Variants in PCDH15 observed in about 807,000 individuals in gnomAD.
PCDH15 encodes the protein protocadherin-15.
A neutral mutation model predicts 178.5 loss-of-function variants in PCDH15; 129 were observed. The ratio of observed to expected loss-of-function variants is 0.72; its 90% CI spans 0.63 to 0.84. PCDH15 has a LOEUF of 0.84. Among genes scored for constraint, PCDH15 ranks in the 40% least tolerant of loss-of-function variants. The pLI is 0.00. For missense variants in PCDH15, 2,230 were observed against 2,099.9 expected (o/e 1.06, Z -1.21); for synonymous variants, 800 against 732.0 (o/e 1.09, Z -1.50).
intron 8 of PCDH15, among the ~76,000 whole-genome samples, chr10:54,279,430 T>A (rs753548375): frequency 9.2e-5 from 14 of 151,666 alleles, no homozygotes; most frequent in Admixed American, 4.0e-4. Context: ...AATAATTAAA[T>A]AACTTTGGAA....
At chr10:54,016,660 T>C (rs376250548) in intron 20 of PCDH15, among the ~76,000 whole-genome samples, 18 of 152,262 alleles carry the variant, frequency 1.2e-4, no homozygotes, top group African/African-American at 4.3e-4. Context: ...TGTTCTCACT[T>C]AGAAGCTGAA....
chr10:54,070,965 G>A (rs1318729022), intron 17 of PCDH15, among the ~76,000 whole-genome samples: 1 of 152,034 alleles, frequency 6.6e-6, no homozygotes, highest in Non-Finnish European at 1.5e-5. Flanking sequence ...CATAGTCAAA[G>A]AAAGTAGTGT....
intron 2 of PCDH15, among the ~76,000 whole-genome samples, chr10:55,015,784 A>G (rs1840159461): frequency 6.6e-6 from 1 of 152,068 alleles, no homozygotes; most frequent in African/African-American, 2.4e-5. Flanking sequence ...GCCTTGTTTT[A>G]TGTCCCCTGA....
chr10:54,830,059 C>T (rs1291054358), intron 3 of PCDH15, among the ~76,000 whole-genome samples: 1 of 152,032 alleles, frequency 6.6e-6, no homozygotes, highest in East Asian at 1.9e-4. Flanking sequence ...ATTACCTCAA[C>T]ATTGAAACAT....
intron 2 of PCDH15, among the ~76,000 whole-genome samples, chr10:55,046,489 A>C (rs1257567157): frequency 6.6e-6 from 1 of 151,962 alleles, no homozygotes; most frequent in Non-Finnish European, 1.5e-5. Flanking sequence ...CCTGATCTAA[A>C]GGAGGGACTC....
At chr10:54,148,803 G>T (rs2044232748) in intron 14 of PCDH15, among the ~76,000 whole-genome samples, 1 of 151,526 alleles carries the variant, frequency 6.6e-6, no homozygotes, top group Non-Finnish European at 1.5e-5. Flanking sequence ...AACATTAGCA[G>T]TATTTCCTGT....
At chr10:55,414,310 C>T (rs142605680) in intron 2 of PCDH15, among the ~76,000 whole-genome samples, 1,820 of 151,606 alleles carry the variant, frequency 0.012, 45 homozygotes, top group African/African-American at 0.042. Context: ...TCATACATTA[C>T]TGCTAAGTAG....
chr10:55,177,969 A>T (rs1293340012), intron 1 of PCDH15, among the ~76,000 whole-genome samples: 1 of 152,180 alleles, frequency 6.6e-6, no homozygotes, highest in African/African-American at 2.4e-5. Context: ...ACAAGTGCTC[A>T]ACTAGTTCAG....
At chr10:55,420,204 C>T (rs1292336501) in intron 2 of PCDH15, among the ~76,000 whole-genome samples, 1 of 151,506 alleles carries the variant, frequency 6.6e-6, no homozygotes, top group Non-Finnish European at 1.5e-5. Flanking sequence ...ATTTGTGTGT[C>T]AATAAAGTTT....
chr10:54,518,256 A>T (rs1367284959), intron 3 of PCDH15, among the ~76,000 whole-genome samples: 1 of 152,200 alleles, frequency 6.6e-6, no homozygotes, highest in Non-Finnish European at 1.5e-5. Flanking sequence ...CCCTTCAAAA[A>T]ATTGATGAAT....
intron 8 of PCDH15, among the ~76,000 whole-genome samples, chr10:54,300,799 T>C (rs948093292): frequency 6.6e-6 from 1 of 152,148 alleles, no homozygotes; most frequent in African/African-American, 2.4e-5. Flanking sequence ...TAAAGGATTG[T>C]AAATGCACTA....
At chr10:54,031,812 G>A (rs10763054) in intron 18 of PCDH15, among the ~76,000 whole-genome samples, 61,740 of 151,812 alleles carry the variant, frequency 0.41, 14,078 homozygotes, top group Middle Eastern at 0.64. Context: ...TCATGTTCAC[G>A]CTCATACAGC....
At chr10:55,390,147 CAT>C (rs1239149476) in intron 2 of PCDH15, among the ~76,000 whole-genome samples, 1 of 151,804 alleles carries the variant, frequency 6.6e-6, no homozygotes, top group African/African-American at 2.4e-5. Context: ...TCTTCCAAGA[CAT>C]ATAAAATTTA....
intron 3 of PCDH15, among the ~76,000 whole-genome samples, chr10:54,894,550 T>A (rs1455780963): frequency 6.6e-6 from 1 of 152,118 alleles, no homozygotes; most frequent in Non-Finnish European, 1.5e-5. Context: ...GAACTCCAAA[T>A]TGGAAACATT....
intron 2 of PCDH15, among the ~76,000 whole-genome samples, chr10:55,358,376 C>T (rs1014301875): frequency 1.3e-5 from 2 of 151,982 alleles, no homozygotes; most frequent in Non-Finnish European, 2.9e-5. Flanking sequence ...ATAAAAATGA[C>T]CTTCAGATAG....
intron 28 of PCDH15, among the ~76,000 whole-genome samples, chr10:53,848,406 A>AT (rs1327895505): frequency 2.6e-5 from 4 of 152,018 alleles, no homozygotes; most frequent in Non-Finnish European, 4.4e-5. Context: ...TTTTCTAGTT[A>AT]TTTTCTACTT....
At chr10:54,886,795 C>T (rs1169365787) in intron 3 of PCDH15, among the ~76,000 whole-genome samples, 4 of 152,300 alleles carry the variant, frequency 2.6e-5, no homozygotes, top group Admixed American at 2.0e-4. Context: ...GCCAGGTTTC[C>T]TTTCTCTGTC....
At chr10:55,296,649 A>C (rs1433398315) in intron 1 of PCDH15, among the ~76,000 whole-genome samples, 1 of 152,182 alleles carries the variant, frequency 6.6e-6, no homozygotes, top group African/African-American at 2.4e-5. Flanking sequence ...TGTATATTTT[A>C]TTCCGTCACA....
At chr10:54,154,244 C>T (rs1174386645) in intron 13 of PCDH15, among the ~76,000 whole-genome samples, 1 of 151,954 alleles carries the variant, frequency 6.6e-6, no homozygotes, top group Non-Finnish European at 1.5e-5. Flanking sequence ...ATTTTACATA[C>T]ATCAATAGTA....
Sources: gnomAD v4.1 joint callset for allele counts (sites outside exome capture counted in the v4.1 genomes callset) on GRCh38, gnomAD v4.1.1 for gene constraint, MANE v1.5 for transcripts, NCBI Gene and HGNC (gene_info 2026-07-23, HGNC 2026-07-21) for gene names.